HS3ST4: variants seen among roughly 807,000 people sequenced by gnomAD.
HS3ST4 encodes heparan sulfate-glucosamine 3-sulfotransferase 4.
Under a neutral mutation model 29.2 loss-of-function variants are expected in HS3ST4, and 17 were observed. That is an observed-to-expected ratio of 0.58 (90% CI 0.40 to 0.87). HS3ST4 has a LOEUF of 0.87. Among genes scored for constraint, HS3ST4 ranks in the 40% least tolerant of loss-of-function variants. The pLI is 0.00. For synonymous variants in HS3ST4, 314 were observed against 285.7 expected, an observed-to-expected ratio of 1.10 and a Z score of -1.00; for missense variants, 627 against 634.5, an observed-to-expected ratio of 0.99 and a Z score of 0.13.
At chr16:25,919,688 G>T (rs1015482999) in intron 1 of HS3ST4, among the ~76,000 whole-genome samples, 1 of 152,166 alleles carries the variant, frequency 6.6e-6, no homozygotes, top group Admixed American at 6.5e-5. Context: ...CAGATGCTTT[G>T]AGGAAGAATT....
intron 1 of HS3ST4, among the ~76,000 whole-genome samples, chr16:25,927,076 AG>A: frequency 6.6e-6 from 1 of 152,128 alleles, no homozygotes; most frequent in Non-Finnish European, 1.5e-5. Context: ...GAAAAAAAAA[AG>A]AATACTTTAA....
At chr16:26,035,312 G>A (rs1969572268) in intron 1 of HS3ST4, among the ~76,000 whole-genome samples, 1 of 152,160 alleles carries the variant, frequency 6.6e-6, no homozygotes, top group Admixed American at 6.5e-5. Flanking sequence ...TGACTTCAGA[G>A]TTATCATCTA....
intron 1 of HS3ST4, among the ~76,000 whole-genome samples, chr16:25,789,254 C>A (rs1051940635): frequency 6.6e-6 from 1 of 151,750 alleles, no homozygotes; most frequent in Non-Finnish European, 1.5e-5. Flanking sequence ...TCCAACTGGT[C>A]TTCTTCTTCC....
chr16:26,100,126 G>C (rs568601722), intron 1 of HS3ST4, among the ~76,000 whole-genome samples: 59 of 152,144 alleles, frequency 3.9e-4, no homozygotes, highest in African/African-American at 1.3e-3. Flanking sequence ...CTGACAGTAG[G>C]GACTCGAAAA....
At chr16:25,970,645 G>A (rs952155341) in intron 1 of HS3ST4, among the ~76,000 whole-genome samples, 5 of 151,774 alleles carry the variant, frequency 3.3e-5, no homozygotes, top group African/African-American at 1.2e-4. Context: ...AGTTGCTAGG[G>A]CTATGGGAAC....
At chr16:25,887,175 G>C (rs901673846) in intron 1 of HS3ST4, among the ~76,000 whole-genome samples, 2 of 152,166 alleles carry the variant, frequency 1.3e-5, no homozygotes, top group African/African-American at 4.8e-5. Flanking sequence ...CACTGAAGGA[G>C]TAACAGAAAG....
intron 1 of HS3ST4, among the ~76,000 whole-genome samples, chr16:25,772,572 A>G (rs1966843901): frequency 6.6e-6 from 1 of 152,212 alleles, no homozygotes; most frequent in Admixed American, 6.6e-5. Flanking sequence ...TTGAACAAAT[A>G]TTAGTTACTT....
At chr16:25,736,689 A>G (rs1336310630) in intron 1 of HS3ST4, among the ~76,000 whole-genome samples, 1 of 152,166 alleles carries the variant, frequency 6.6e-6, no homozygotes, top group Non-Finnish European at 1.5e-5. Flanking sequence ...AAGATTTCCT[A>G]TTCAAAGTCT....
chr16:26,121,984 G>A (rs1365880028), intron 1 of HS3ST4, among the ~76,000 whole-genome samples: 1 of 152,116 alleles, frequency 6.6e-6, no homozygotes, highest in Non-Finnish European at 1.5e-5. Context: ...TTAGAACCCT[G>A]AAGTGAGACG....
chr16:26,014,385 T>A (rs1340526985), intron 1 of HS3ST4, among the ~76,000 whole-genome samples: 2 of 152,340 alleles, frequency 1.3e-5, no homozygotes, highest in African/African-American at 4.8e-5. Context: ...TGTGCAGGTT[T>A]GTTATATAGG....
Position 26,108,526 on chromosome 16 carries a change from G to A in HS3ST4, c.735-27086G>A, listed in dbSNP as rs575996960. 4.6e-5 allele frequency among the ~76,000 whole-genome samples: 7 copies of A among 152,342 alleles called. No homozygotes were observed. The South Asian group carries it at 1.4e-3, about 32-fold the overall frequency. ...AGAAGTGAATAGTGGTTAAGAGCAA[G>A]AGTGGACTTATTGGAATCCTGCCAG... On this transcript the variant is annotated intron_variant, in intron 1 of 1. Transcript: ENST00000331351.
At chr16:25,995,147 C>T (rs531509402) in intron 1 of HS3ST4, among the ~76,000 whole-genome samples, 1 of 152,276 alleles carries the variant, frequency 6.6e-6, no homozygotes, top group African/African-American at 2.4e-5. Context: ...GATAAATGGT[C>T]GTTTTCCAGA....
At chr16:25,865,392 C>T (rs1369032950) in intron 1 of HS3ST4, among the ~76,000 whole-genome samples, 8 of 152,146 alleles carry the variant, frequency 5.3e-5, no homozygotes, top group African/African-American at 1.4e-4. Flanking sequence ...ATTTGCACTT[C>T]TCTCTTCTCT....
intron 1 of HS3ST4, among the ~76,000 whole-genome samples, chr16:26,029,315 G>A (rs1317520718): frequency 1.3e-5 from 2 of 152,134 alleles, no homozygotes; most frequent in South Asian, 2.1e-4. Context: ...GCACTTGGAC[G>A]GTCCCATCCC....
At chr16:25,972,459 G>A (rs1317131051) in intron 1 of HS3ST4, among the ~76,000 whole-genome samples, 2 of 152,230 alleles carry the variant, frequency 1.3e-5, no homozygotes, top group African/African-American at 4.8e-5. Context: ...ACTCAAGAGG[G>A]TGTTGTCAAG....
intron 1 of HS3ST4, among the ~76,000 whole-genome samples, chr16:25,909,018 G>C (rs1383934896): frequency 1.3e-5 from 2 of 152,182 alleles, no homozygotes; most frequent in African/African-American, 4.8e-5. Context: ...CTCCATCATT[G>C]CTGGCTGAGG....
At chr16:25,878,857 G>A (rs1041121243) in intron 1 of HS3ST4, among the ~76,000 whole-genome samples, 7 of 152,134 alleles carry the variant, frequency 4.6e-5, no homozygotes, top group Non-Finnish European at 8.8e-5. Context: ...ATCGGGCCAA[G>A]GGCTGAGATT....
At chr16:25,848,427 G>T (rs913889036) in intron 1 of HS3ST4, among the ~76,000 whole-genome samples, 2 of 151,482 alleles carry the variant, frequency 1.3e-5, no homozygotes, top group African/African-American at 4.9e-5. Context: ...GGAGTGAACC[G>T]CTGTGCCCAG....
intron 1 of HS3ST4, among the ~76,000 whole-genome samples, chr16:25,920,349 G>A (rs1253907944): frequency 6.6e-6 from 1 of 152,098 alleles, no homozygotes; most frequent in African/African-American, 2.4e-5. Flanking sequence ...CATCAAAGCC[G>A]TACTCATTAT....
Sources: allele counts gnomAD v4.1 joint callset (sites outside exome capture counted in the v4.1 genomes callset), GRCh38; gene constraint gnomAD v4.1.1; transcripts MANE v1.5; gene names NCBI Gene and HGNC (gene_info 2026-07-23, HGNC 2026-07-21).